The following RBBP5 variants were observed in gnomAD, a reference collection of about 807,000 sequenced individuals.
RBBP5 encodes the protein retinoblastoma-binding protein 5.
RBBP5 carries 5 observed loss-of-function variants against 72.2 expected under a neutral mutation model. The ratio of observed to expected loss-of-function variants is 0.07; its 90% confidence interval spans 0.04 to 0.15. RBBP5 has a LOEUF of 0.15. Among genes scored for constraint, RBBP5 ranks in the 10% least tolerant of loss-of-function variants. The pLI is 1.00. For synonymous variants in RBBP5, 209 were observed against 237.2 expected, an observed-to-expected ratio of 0.88 and a Z score of 1.09; for missense variants, 322 against 652.2, an observed-to-expected ratio of 0.49 and a Z score of 5.51.
At chr1:205,094,618 CATA>C (rs1444510186) in intron 13 of RBBP5, among the ~76,000 whole-genome samples, 4 of 152,162 alleles carry the variant, frequency 2.6e-5, no homozygotes, top group South Asian at 2.1e-4. Flanking sequence ...AAAATATTCA[CATA>C]ATATTTTGCA....
rs192208762 is a variant in RBBP5 at position 205,087,953 on chromosome 1, A to C, written c.*834T>G. ...CTTTACTCCTTGCATAGATTCCCCC[A>C]CCCCAGTAAAAAAGTAGCTTGTTGA... On this transcript the variant is annotated 3_prime_UTR_variant, in exon 14 of 14. Transcript: ENST00000264515. 2.6e-5 allele frequency: 4 copies of C among 152,372 alleles called. No individual in the cohort carries two copies. Among genetic ancestry groups the C allele is most frequent in the Non-Finnish European group, 5.9e-5 (4 of 67,998 alleles). 9.4% of individuals were successfully genotyped at this position (152,372 alleles called of 1,614,324 possible).
intron 5 of RBBP5, among the ~76,000 whole-genome samples, chr1:205,102,139 G>T (rs1253370092): frequency 6.6e-6 from 1 of 151,844 alleles, no homozygotes; most frequent in African/African-American, 2.4e-5. Context: ...CAGGTGATCC[G>T]CCCACCTCGG....
In RBBP5 at chr1:205,105,073, C is replaced by A. The variant is rs546933709; in HGVS notation, c.314G>T (p.Arg105Leu). ...GACTTTTAAGATGGGTGAAGGGAATCGAAACCTCTGGTCACAGTCGCCTGA... is the reference window on the plus strand; with the variant it reads ...GACTTTTAAGATGGGTGAAGGGAATAGAAACCTCTGGTCACAGTCGCCTGA... ...VLSGDCDQRF[R>L]FPSPILKVQY... The change falls in exon 4 of 14, where the codon CGA (arginine) becomes CTA (leucine). Residue 105 changes from arginine (R) to leucine (L), a missense_variant. This residue lies in a region of RBBP5 where 161 missense variants were observed against 327.8 expected (regional missense o/e 0.49). Coordinates refer to ENST00000264515, the MANE Select transcript of RBBP5 (RefSeq NM_005057.4). 6.2e-7 allele frequency: 1 copy of A among 1,613,924 alleles called. No individual in the cohort carries two copies. Among genetic ancestry groups the A allele is most frequent in the South Asian group, 1.1e-5 (1 of 91,072 alleles).
In RBBP5 at chr1:205,087,553, G is replaced by GAAAAAAAA. The variant is rs61068820; in HGVS notation, c.*1226_*1233dup. ...ATTTAAATTCTCCTTTTAAAATATT[G>GAAAAAAAA]AAAAAAAAAAAAAAAAAAAAAAGAC... is the stretch of plus-strand genomic sequence containing the variant. On this transcript the variant is annotated 3_prime_UTR_variant, in exon 14 of 14. Coordinates refer to ENST00000264515, the MANE Select transcript of RBBP5 (RefSeq NM_005057.4). 1.3e-5 allele frequency: 1 copy of GAAAAAAAA among 77,112 alleles called. No homozygotes were observed. Among genetic ancestry groups the GAAAAAAAA allele is most frequent in the Non-Finnish European group, 2.7e-5 (1 of 36,884 alleles). 4.8% of individuals were successfully genotyped at this position (77,112 alleles called of 1,614,324 possible). A position where few individuals can be genotyped will look rare whatever the true frequency, so the allele number is the denominator to read the frequency against.
chr1:205,112,511 C>T (rs930191323), intron 3 of RBBP5, among the ~76,000 whole-genome samples: 7 of 152,078 alleles, frequency 4.6e-5, no homozygotes, highest in Non-Finnish European at 1.0e-4. Flanking sequence ...TCCCACTAAT[C>T]ATCTAGAATT....
At chr1:205,096,993 T>C (rs939837120) in intron 11 of RBBP5, 82 bp from the exon 12 acceptor site, 5 of 1,244,860 alleles carry the variant, frequency 4.0e-6, no homozygotes, top group East Asian at 2.3e-5. Flanking sequence ...CTATCACCTA[T>C]ATTAAGCATA....
intron 1 of RBBP5, among the ~76,000 whole-genome samples, chr1:205,119,072 T>G (rs1656639403): frequency 6.6e-6 from 1 of 152,170 alleles, no homozygotes. Context: ...CCAGGCTTCT[T>G]TAATTTGTCT....
chr1:205,088,122 C>T lies in RBBP5; in HGVS notation c.*665G>A, dbSNP rs1360095776. Reference sequence around the variant, plus strand: ...ACAATGAACCAATATTGGAGGGAAACATGCAATGAGAGGAAAACAAGGGAA... The same window carrying T: ...ACAATGAACCAATATTGGAGGGAAATATGCAATGAGAGGAAAACAAGGGAA... On this transcript the variant is annotated 3_prime_UTR_variant, in exon 14 of 14. Transcript: ENST00000264515. The T allele has an allele frequency of 6.6e-6, 1 of 152,210 alleles. No individual in the cohort carries two copies. The highest frequency in any genetic ancestry group is 1.5e-5 in the Non-Finnish European group (1 of 68,048). The allele number at this position is 152,210 out of a possible 1,614,324, so 9.4% of individuals were successfully genotyped here. A position where few individuals can be genotyped will look rare whatever the true frequency, so the allele number is the denominator to read the frequency against.
Position 205,103,845 on chromosome 1 carries a change from T to G in RBBP5, c.522+12A>C, listed in dbSNP as rs1655944448. ...TGTACAAGATGCCTGATTTGCCAGC[T>G]TTTAGGCTTACCTTGCCTTTTGCGT... On this transcript the variant is annotated intron_variant, in intron 5 of 13. Transcript: ENST00000264515. 6.2e-7 allele frequency: 1 copy of G among 1,607,104 alleles called. No homozygotes were observed. Among genetic ancestry groups the G allele is most frequent in the Non-Finnish European group, 8.5e-7 (1 of 1,173,982 alleles).
rs1655230098 is a variant in RBBP5, at chr1:205,088,917, C to T, written c.1589-102G>A. On this transcript the variant is annotated intron_variant, in intron 13 of 13. Coordinates refer to ENST00000264515, the MANE Select transcript of RBBP5 (RefSeq NM_005057.4). ...TGCTGGATGATGCATTACAAGCACA[C>T]GTGGACCAAGAAATTCCCCTTTTTA... is the stretch of plus-strand genomic sequence containing the variant. The T allele has an allele frequency of 1.2e-5, 13 of 1,049,048 alleles. No individual in the cohort carries two copies. The South Asian group carries it at 1.3e-4, about 11-fold the overall frequency. The allele number at this position is 1,049,048 out of a possible 1,614,324, so 65.0% of individuals were successfully genotyped here. A position where few individuals can be genotyped will look rare whatever the true frequency, so the allele number is the denominator to read the frequency against.
chr1:205,118,683 G>A (rs937566090), intron 1 of RBBP5, among the ~76,000 whole-genome samples: 1 of 152,022 alleles, frequency 6.6e-6, no homozygotes, highest in Non-Finnish European at 1.5e-5. Flanking sequence ...ACATAACAAG[G>A]ATTAAATATA....
At chr1:205,119,696 T>G (rs1235299125) in intron 1 of RBBP5, among the ~76,000 whole-genome samples, 1 of 152,212 alleles carries the variant, frequency 6.6e-6, no homozygotes, top group African/African-American at 2.4e-5. Context: ...TTGGCTTCTA[T>G]GAAGACGCCA....
At chr1:205,110,741 A>G (rs1353101542) in intron 3 of RBBP5, among the ~76,000 whole-genome samples, 1 of 152,088 alleles carries the variant, frequency 6.6e-6, no homozygotes, top group Non-Finnish European at 1.5e-5. Context: ...TTTACTTTGC[A>G]TATTTATATA....
chr1:205,110,586 T>C (rs1446797341), intron 3 of RBBP5, among the ~76,000 whole-genome samples: 1 of 152,148 alleles, frequency 6.6e-6, no homozygotes, highest in East Asian at 1.9e-4. Context: ...GAACAAAATA[T>C]ATTTATTTTT....
chr1:205,119,617 A>G (rs1656660733), intron 1 of RBBP5, among the ~76,000 whole-genome samples: 1 of 152,126 alleles, frequency 6.6e-6, no homozygotes, highest in Admixed American at 6.6e-5. Flanking sequence ...CCAGCTGCTG[A>G]GGAGTCCCAA....
intron 1 of RBBP5, chr1:205,116,398 C>T (rs1276796364): frequency 6.9e-6 from 2 of 290,238 alleles, no homozygotes; most frequent in African/African-American, 4.4e-5. Flanking sequence ...GGACCCTCTA[C>T]TTCTTAAAAG....
intron 3 of RBBP5, among the ~76,000 whole-genome samples, chr1:205,112,994 G>A (rs192228682): frequency 5.3e-5 from 8 of 152,146 alleles, no homozygotes; most frequent in African/African-American, 1.4e-4. Flanking sequence ...GCATGGTGGC[G>A]CACATCTGTA....
rs185579195 is a variant in RBBP5 at position 205,087,851 on chromosome 1, C to G, written c.*936G>C. 2 of 152,624 alleles carry G rather than the reference C, an allele frequency of 1.3e-5. No homozygotes were observed. Among genetic ancestry groups the G allele is most frequent in the Non-Finnish European group, 2.9e-5 (2 of 68,040 alleles). The allele number at this position is 152,624 out of a possible 1,614,324, so 9.5% of individuals were successfully genotyped here. On this transcript the variant is annotated 3_prime_UTR_variant, in exon 14 of 14. Transcript: ENST00000264515. ...AATGACTGATGAGGATAGATTTCCA[C>G]AGGCAGTGATACAAAAAATTCACCT...
chr1:205,116,626 C>G (rs1474904035), intron 1 of RBBP5, among the ~76,000 whole-genome samples: 1 of 152,132 alleles, frequency 6.6e-6, no homozygotes, highest in Non-Finnish European at 1.5e-5. Flanking sequence ...CCGGCCTAGC[C>G]AAAATGGTGA....
Sources: gnomAD v4.1 joint callset for allele counts (sites outside exome capture counted in the v4.1 genomes callset) on GRCh38, gnomAD v4.1.1 for gene constraint, gnomAD v4.1.1 regional missense constraint, MANE v1.5 for transcripts, NCBI Gene and HGNC (gene_info 2026-07-23, HGNC 2026-07-21) for gene names.